Variants in MFN2 observed in about 807,000 individuals in gnomAD.
MFN2 encodes mitofusin-2.
MFN2 carries 43 observed loss-of-function variants against 87.5 expected under a neutral mutation model. That is an observed-to-expected ratio of 0.49 (90% CI 0.38 to 0.63). The LOEUF (loss-of-function observed/expected upper bound fraction) is 0.63, where lower values mean the gene tolerates loss of function less well. MFN2 is among the 30% of genes least tolerant of loss of function. The probability of loss-of-function intolerance (pLI) is 0.00; values close to 1 mark genes in which losing one functional copy is unlikely to be tolerated. For synonymous variants in MFN2, 337 were observed against 359.9 expected, an observed-to-expected ratio of 0.94 and a Z score of 0.72; for missense variants, 743 against 972.8, an observed-to-expected ratio of 0.76 and a Z score of 3.14.
chr1:11,998,129 AC>A (rs1639009293), intron 6 of MFN2, among the ~76,000 whole-genome samples: 1 of 150,560 alleles, frequency 6.6e-6, no homozygotes. Flanking sequence ...TGATCCGCCC[AC>A]CTTAGCCTCC....
intron 2 of MFN2, 84 bp downstream of exon 2, chr1:11,982,198 C>T (rs914731305): frequency 3.3e-5 from 5 of 152,160 alleles, no homozygotes; most frequent in African/African-American, 1.2e-4. Flanking sequence ...GGTGGCAAGT[C>T]TCTTGAATGG....
intron 18 of MFN2, 36 bp from the exon 19 acceptor site, chr1:12,011,460 A>C (rs1177913340): frequency 6.2e-7 from 1 of 1,611,910 alleles, no homozygotes; most frequent in Admixed American, 1.7e-5. Context: ...GCCTATCATC[A>C]GCTATCATGG....
At chr1:11,995,819 C>T (rs1372261910) in intron 4 of MFN2, among the ~76,000 whole-genome samples, 2 of 152,026 alleles carry the variant, frequency 1.3e-5, no homozygotes, top group South Asian at 2.1e-4. Context: ...GGGGGTTAGT[C>T]GGTGTTTCAG....
In MFN2 at chr1:12,007,262, G is replaced by C. The variant is rs766629075; in HGVS notation, c.2069+13G>C. ...ACCAAGTCCAGCAGTGAGTGGCCCT[G>C]TCGGACCCCAGCAGGGGACTTCCTT... On this transcript the variant is annotated intron_variant, in intron 17 of 18. Transcript: ENST00000235329. The C allele has an allele frequency of 1.2e-6, 2 of 1,612,964 alleles. No individual in the cohort carries two copies. The highest frequency in any genetic ancestry group is 1.7e-6 in the Non-Finnish European group (2 of 1,179,678).
rs1639389952 is a variant in MFN2 at position 12,005,936 on chromosome 1, G to A, written c.1716+5G>A. 1.2e-6 allele frequency: 2 copies of A among 1,612,910 alleles called. No individual in the cohort carries two copies. Among genetic ancestry groups the A allele is most frequent in the African/African-American group, 2.7e-5 (2 of 75,010 alleles). ...TTGATGGGCTACAATGACCAGGCAA[G>A]CAAAGTTCCTCACCTCAAGGGCATT... On this transcript the variant is annotated splice_donor_5th_base_variant and intron_variant, in intron 15 of 18. Coordinates refer to ENST00000235329, the MANE Select transcript of MFN2 (RefSeq NM_014874.4).
intron 18 of MFN2, among the ~76,000 whole-genome samples, chr1:12,010,421 T>C (rs1019682110): frequency 2.6e-5 from 4 of 152,306 alleles, no homozygotes; most frequent in Admixed American, 2.6e-4. Context: ...TCTCAAAAAA[T>C]GGCCAGGCTA....
intron 1 of MFN2, among the ~76,000 whole-genome samples, chr1:11,980,711 T>C (rs898257844): frequency 3.9e-5 from 6 of 152,168 alleles, no homozygotes; most frequent in Non-Finnish European, 5.9e-5. Flanking sequence ...TAGCTTCTCA[T>C]CGCCCCCGCC....
chr1:11,993,215 G>A (rs557000586), intron 4 of MFN2, among the ~76,000 whole-genome samples: 2 of 151,884 alleles, frequency 1.3e-5, no homozygotes, highest in South Asian at 2.1e-4. Flanking sequence ...GATGTCTCAC[G>A]TAAGTGGAAT....
intron 4 of MFN2, among the ~76,000 whole-genome samples, chr1:11,994,777 C>CTT: frequency 6.6e-6 from 1 of 152,298 alleles, no homozygotes; most frequent in East Asian, 1.9e-4. Flanking sequence ...TGACCCCCTA[C>CTT]TTAGGTGAGC....
intron 6 of MFN2, 131 bp downstream of exon 6, chr1:11,997,552 C>T: frequency 7.9e-7 from 1 of 1,260,916 alleles, no homozygotes; most frequent in Admixed American, 1.9e-5. Flanking sequence ...CAGATGGGCT[C>T]AACCAAATCC....
At position 12,009,683 on chromosome 1, in the gene MFN2, A is replaced by T. The variant is rs775419517; in HGVS notation, c.2161A>T (p.Ile721Phe). 6.2e-7 allele frequency: 1 copy of T among 1,614,242 alleles called. No homozygotes were observed. The highest frequency in any genetic ancestry group is 8.5e-7 in the Non-Finnish European group (1 of 1,180,040). The change falls in exon 18 of 19, where the codon ATT becomes TTT. Residue 721 changes from isoleucine (I) to phenylalanine (F), a missense_variant. Around this residue, in one of 3 missense-constraint regions of MFN2, gnomAD observed 571 missense variants for 670.7 expected, o/e 0.85. Transcript: ENST00000235329. ...GGAAATTGCCGCCATGAACAAGAAAATTGAGGTTCTTGACTCACTTCAGAG... is the reference window on the plus strand; with the variant it reads ...GGAAATTGCCGCCATGAACAAGAAATTTGAGGTTCTTGACTCACTTCAGAG... ...EQEIAAMNKKIEVLDSLQSKA... is the reference protein window; with the variant it reads ...EQEIAAMNKKFEVLDSLQSKA...
At chr1:11,992,336 G>A (rs1223006179) in intron 3 of MFN2, 2 of 607,954 alleles carry the variant, frequency 3.3e-6, no homozygotes, top group East Asian at 2.9e-5. Context: ...AAAGTGGTAA[G>A]AACCAGCTTC....
At position 12,003,226 on chromosome 1, in the gene MFN2, C is replaced by G. The variant is rs1639254127; in HGVS notation, c.1161-766C>G. Among the ~76,000 whole-genome samples the G allele has an allele frequency of 6.6e-6, 1 of 151,050 alleles. No homozygotes were observed. The highest frequency in any genetic ancestry group is 1.5e-5 in the Non-Finnish European group (1 of 67,746). On this transcript the variant is annotated intron_variant, in intron 11 of 18. Transcript: ENST00000235329. This position sits in a 1 kb window ranked among gnomAD's most constrained non-coding sequence, Gnocchi z 4.1. The stretch of plus-strand genomic sequence containing the variant: ...GGGTACACGCGTTTCCAGTTTTAGT[C>G]AGTTTTCTTGATGCTCTTCAGAACA...
Position 12,005,827 on chromosome 1 carries a change from C to G in MFN2, c.1612C>G (p.Gln538Glu), listed in dbSNP as rs1027714006. 6 of 1,614,086 alleles carry G rather than the reference C, an allele frequency of 3.7e-6. No homozygotes were observed. The African/African-American group carries it at 6.7e-5, about 18-fold the overall frequency. Residue 538 changes from glutamine to glutamate, a missense_variant, in exon 15 of 19, where the codon CAG (glutamine) becomes GAG (glutamate). Transcript: ENST00000235329. ...LNCDKLCADF[Q>E]EDIEFHFSLG... ...CTGTGACAAGCTGTGTGCTGACTTCCAGGAAGACATTGAGTTCCATTTCTC... is the reference window on the plus strand; with the variant it reads ...CTGTGACAAGCTGTGTGCTGACTTCGAGGAAGACATTGAGTTCCATTTCTC...
Position 12,005,854 on chromosome 1 carries a change from C to T in MFN2, c.1639C>T (p.Leu547Phe). ...GGAAGACATTGAGTTCCATTTCTCTCTCGGATGGACCATGCTGGTGAATAG... is the reference window on the plus strand; with the variant it reads ...GGAAGACATTGAGTTCCATTTCTCTTTCGGATGGACCATGCTGGTGAATAG... ...FQEDIEFHFS[L>F]GWTMLVNRFL... is the part of the protein sequence containing the mutation. The change falls in exon 15 of 19, where the codon CTC becomes TTC. Residue 547 changes from leucine (L) to phenylalanine (F), a missense_variant. Physicochemically the swap from Leu to Phe is conservative, Grantham distance 22. Coordinates refer to ENST00000235329, the MANE Select transcript of MFN2 (RefSeq NM_014874.4). The T allele has an allele frequency of 6.2e-7, 1 of 1,614,190 alleles. No individual in the cohort carries two copies. The highest frequency in any genetic ancestry group is 8.5e-7 in the Non-Finnish European group (1 of 1,180,034).
Position 12,001,925 on chromosome 1 carries a change from C to T in MFN2, c.1039-57C>T, listed in dbSNP as rs867645711. ...CTGGCAGTGAAAACCAGAGTCTGGC[C>T]CTTGGTTGTAGGCCCCTGGTGGCCC... On this transcript the variant is annotated intron_variant, in intron 10 of 18. Transcript: ENST00000235329. 3 of 1,614,130 alleles carry T rather than the reference C, an allele frequency of 1.9e-6. No individual in the cohort carries two copies. The Middle Eastern group carries it at 5.0e-4, about 267-fold the overall frequency.
intron 18 of MFN2, among the ~76,000 whole-genome samples, chr1:12,010,133 G>A (rs931953609): frequency 4.6e-5 from 7 of 152,168 alleles, no homozygotes; most frequent in East Asian, 1.9e-4. Context: ...CAGCCTGGGC[G>A]ACAAGAGCAA....
chr1:12,011,213 G>A (rs774295221), intron 18 of MFN2, among the ~76,000 whole-genome samples: 5 of 152,204 alleles, frequency 3.3e-5, no homozygotes, highest in Non-Finnish European at 7.3e-5. Flanking sequence ...CTGAGTTCCC[G>A]ACAGCTCAGG....
At position 12,009,295 on chromosome 1, in the gene MFN2, C is replaced by T. The variant is rs372770131; in HGVS notation, c.2070-297C>T. Among the ~76,000 whole-genome samples, 24 of 152,312 alleles carry T rather than the reference C, an allele frequency of 1.6e-4. No individual in the cohort carries two copies. In the East Asian group the frequency reaches 3.5e-3, roughly 22 times the overall value. On this transcript the variant is annotated intron_variant, in intron 17 of 18. Transcript: ENST00000235329. ...GAAACTGAGATTTGAAAAATAGTGACGTGTCCTCTGCTACTCGGCTGATGA... is the reference window on the plus strand; with the variant it reads ...GAAACTGAGATTTGAAAAATAGTGATGTGTCCTCTGCTACTCGGCTGATGA...
Sources: gnomAD v4.1 joint callset for allele counts (sites outside exome capture counted in the v4.1 genomes callset) on GRCh38, gnomAD v4.1.1 for gene constraint, gnomAD v4.1.1 regional missense constraint, Gnocchi (gnomAD v3.1) non-coding constraint, MANE v1.5 for transcripts, NCBI Gene and HGNC (gene_info 2026-07-23, HGNC 2026-07-21) for gene names.